The following WWOX variants were observed in gnomAD, a reference collection of about 807,000 sequenced individuals.
WWOX encodes the protein WW domain-containing oxidoreductase.
In WWOX, 69 loss-of-function variants were observed where a neutral mutation model predicts 46.2. The observed-to-expected ratio is 1.49, with a 90% confidence interval of 1.23 to 1.82. The LOEUF is 1.82. Among genes scored for constraint, WWOX ranks in the 40% most tolerant of loss-of-function variants. The probability of loss-of-function intolerance (pLI) is 0.00; values close to 1 mark genes in which losing one functional copy is unlikely to be tolerated. For missense variants in WWOX, 919 were observed against 542.6 expected (o/e 1.69, Z -6.89); for synonymous variants, 359 against 202.6 (o/e 1.77, Z -6.56).
At chr16:78,570,752 C>G (rs1309457565) in intron 8 of WWOX, among the ~76,000 whole-genome samples, 2 of 152,104 alleles carry the variant, frequency 1.3e-5, no homozygotes, top group Non-Finnish European at 2.9e-5. Flanking sequence ...TCAGTAAACA[C>G]CAAGATAAAA....
At chr16:79,081,920 C>T (rs573922384) in intron 8 of WWOX, among the ~76,000 whole-genome samples, 1 of 152,066 alleles carries the variant, frequency 6.6e-6, no homozygotes. Flanking sequence ...ACAGTGAAAC[C>T]GTAGCAAAAC....
intron 4 of WWOX, among the ~76,000 whole-genome samples, chr16:78,138,316 G>A (rs2033870461): frequency 6.6e-6 from 1 of 150,786 alleles, no homozygotes. Context: ...TATGATGCTT[G>A]CCAACGGATA....
At chr16:79,091,781 T>G (rs904309178) in intron 8 of WWOX, among the ~76,000 whole-genome samples, 1 of 115,296 alleles carries the variant, frequency 8.7e-6, no homozygotes. Context: ...TTTTCTTTGT[T>G]TTTTTTTTTT....
In WWOX at chr16:78,432,734, G is replaced by C; in HGVS notation, c.1038G>C (p.Arg346Ser). The C allele has an allele frequency of 6.2e-7, 1 of 1,614,158 alleles. No homozygotes were observed. Among genetic ancestry groups the C allele is most frequent in the Non-Finnish European group, 8.5e-7 (1 of 1,180,050 alleles). Reference protein sequence around the residue: ...WVYTLLFTLARPFTKSMQQGA... With the variant: ...WVYTLLFTLASPFTKSMQQGA... ...ACACACTGCTGTTTACCTTGGCGAG[G>C]CCTTTCACCAAGTCCATGGTAAGAG... Residue 346 changes from arginine (R) to serine (S), a missense_variant, in exon 8 of 9, where the codon AGG becomes AGC. Transcript: ENST00000566780.
At chr16:79,038,904 C>G (rs1419890211) in intron 8 of WWOX, among the ~76,000 whole-genome samples, 1 of 152,132 alleles carries the variant, frequency 6.6e-6, no homozygotes, top group Admixed American at 6.5e-5. Flanking sequence ...GTAAAGCATA[C>G]ATAGAGGATA....
chr16:79,139,109 T>C (rs2050038895), intron 8 of WWOX, among the ~76,000 whole-genome samples: 2 of 152,168 alleles, frequency 1.3e-5, no homozygotes, highest in Admixed American at 6.5e-5. Flanking sequence ...CCCGGCCCCA[T>C]TCCCTCTGTC....
chr16:78,516,127 C>CCCTTT (rs1462104924), intron 8 of WWOX, among the ~76,000 whole-genome samples: 2 of 152,102 alleles, frequency 1.3e-5, no homozygotes, highest in African/African-American at 2.4e-5. Flanking sequence ...CTTGGCGTGC[C>CCCTTT]CCTTTCTTTC....
intron 4 of WWOX, among the ~76,000 whole-genome samples, chr16:78,154,736 C>G (rs1293114900): frequency 1.3e-5 from 2 of 152,020 alleles, no homozygotes; most frequent in East Asian, 1.9e-4. Flanking sequence ...AGCTAGCATC[C>G]TAATAGTCTC....
intron 8 of WWOX, among the ~76,000 whole-genome samples, chr16:78,964,781 G>A (rs1048364557): frequency 2.0e-5 from 3 of 152,200 alleles, no homozygotes; most frequent in African/African-American, 7.2e-5. Flanking sequence ...AGGAAAAAAT[G>A]ATTTCATGGG....
At chr16:78,947,686 C>T (rs2045976378) in intron 8 of WWOX, among the ~76,000 whole-genome samples, 1 of 152,286 alleles carries the variant, frequency 6.6e-6, no homozygotes, top group African/African-American at 2.4e-5. Context: ...AAAGCAATTG[C>T]TTTGTCCCCT....
intron 8 of WWOX, among the ~76,000 whole-genome samples, chr16:78,945,931 G>C (rs557213023): frequency 6.6e-6 from 1 of 151,986 alleles, no homozygotes; most frequent in Non-Finnish European, 1.5e-5. Flanking sequence ...ATCTCACCAC[G>C]TAGTCATTTT....
At chr16:79,037,339 C>G (rs1216076724) in intron 8 of WWOX, among the ~76,000 whole-genome samples, 5 of 152,096 alleles carry the variant, frequency 3.3e-5, no homozygotes, top group African/African-American at 7.2e-5. Context: ...ATTCTCAAGT[C>G]TTTTTGTAGA....
At chr16:78,448,239 A>G (rs1330135254) in intron 8 of WWOX, among the ~76,000 whole-genome samples, 1 of 152,212 alleles carries the variant, frequency 6.6e-6, no homozygotes, top group Admixed American at 6.5e-5. Flanking sequence ...AAAGGAGCAC[A>G]GTAATGCATA....
At chr16:78,930,400 C>G (rs2045598295) in intron 8 of WWOX, among the ~76,000 whole-genome samples, 1 of 151,080 alleles carries the variant, frequency 6.6e-6, no homozygotes. Flanking sequence ...ACCTTAGCCT[C>G]CTGAGTAGCT....
At chr16:78,752,132 G>T (rs116532305) in intron 8 of WWOX, among the ~76,000 whole-genome samples, 11 of 152,154 alleles carry the variant, frequency 7.2e-5, no homozygotes, top group Admixed American at 6.5e-4. Flanking sequence ...CCATAAAAGA[G>T]TATCTCTTGT....
chr16:78,587,831 C>T lies in WWOX; in HGVS notation c.1056+155079C>T, dbSNP rs139326254. Among the ~76,000 whole-genome samples, 125 of 152,226 alleles carry T rather than the reference C, an allele frequency of 8.2e-4. 1 individual carries two copies. Among genetic ancestry groups the T allele is most frequent in the African/African-American group, 2.8e-3 (117 of 41,542 alleles). The stretch of plus-strand genomic sequence containing the variant: ...TTCCTGGTAATTGTGCAAAATGTCC[C>T]AGTGAATGCCAATTCCTTGCTGTCA... On this transcript the variant is annotated intron_variant, in intron 8 of 8. Coordinates refer to ENST00000566780, the MANE Select transcript of WWOX (RefSeq NM_016373.4).
chr16:78,489,297 C>T (rs1345369095), intron 8 of WWOX, among the ~76,000 whole-genome samples: 2 of 152,138 alleles, frequency 1.3e-5, no homozygotes, highest in Admixed American at 6.5e-5. Flanking sequence ...TCTCCAGACC[C>T]CCAGGTCAGC....
intron 5 of WWOX, among the ~76,000 whole-genome samples, chr16:78,363,219 C>G (rs1008907816): frequency 2.0e-5 from 3 of 151,712 alleles, no homozygotes; most frequent in African/African-American, 7.3e-5. Flanking sequence ...GTATTCCTGT[C>G]AATTCCATAT....
intron 6 of WWOX, among the ~76,000 whole-genome samples, chr16:78,401,919 C>G (rs1597170841): frequency 6.6e-6 from 1 of 152,194 alleles, no homozygotes; most frequent in Non-Finnish European, 1.5e-5. Flanking sequence ...AAGCTGGTCT[C>G]AAACTCCTGA....
Sources: gnomAD v4.1 joint callset for allele counts (sites outside exome capture counted in the v4.1 genomes callset) on GRCh38, gnomAD v4.1.1 for gene constraint, MANE v1.5 for transcripts, NCBI Gene and HGNC (gene_info 2026-07-23, HGNC 2026-07-21) for gene names.